PYGB: variants seen among roughly 807,000 people sequenced by gnomAD.
PYGB encodes the protein glycogen phosphorylase, brain form.
In PYGB, 82 loss-of-function variants were observed where a neutral mutation model predicts 94.3. That is an observed-to-expected ratio of 0.87 (90% CI 0.73 to 1.04). PYGB has a LOEUF of 1.04. PYGB is among the 50% of genes least tolerant of loss of function. The pLI is 0.00. For missense variants in PYGB, 1,132 were observed against 1,158.2 expected (o/e 0.98, Z 0.33); for synonymous variants, 488 against 479.1 (o/e 1.02, Z -0.24).
intron 12 of PYGB, among the ~76,000 whole-genome samples, chr20:25,282,689 G>T (rs537719258): frequency 1.3e-5 from 2 of 152,204 alleles, no homozygotes; most frequent in Admixed American, 1.3e-4. Context: ...GCTGGGGGAC[G>T]GGCCCCTGGG....
At chr20:25,254,914 A>G (rs55769917) in intron 1 of PYGB, among the ~76,000 whole-genome samples, 2 of 152,220 alleles carry the variant, frequency 1.3e-5, no homozygotes, top group Non-Finnish European at 2.9e-5. Flanking sequence ...TAAGATCCCC[A>G]TAAGTTCTAA....
intron 1 of PYGB, among the ~76,000 whole-genome samples, chr20:25,254,870 A>G (rs561715904): frequency 1.5e-4 from 23 of 152,312 alleles, no homozygotes; most frequent in Non-Finnish European, 2.5e-4. Flanking sequence ...GGAGTGTAGA[A>G]GGAATTTGTT....
chr20:25,296,155 C>T (rs1037603931), intron 19 of PYGB, among the ~76,000 whole-genome samples: 2 of 152,160 alleles, frequency 1.3e-5, no homozygotes, highest in African/African-American at 4.8e-5. Context: ...ACCTTCTCTC[C>T]AGCTCCTTGC....
At chr20:25,293,820 A>C in intron 17 of PYGB, 1 of 344,260 alleles carries the variant, frequency 2.9e-6, no homozygotes, top group Non-Finnish European at 5.5e-6. Flanking sequence ...AGCTCTGCCC[A>C]GGATTTCACA....
At chr20:25,265,120 C>A (rs1426396480) in intron 2 of PYGB, among the ~76,000 whole-genome samples, 2 of 152,094 alleles carry the variant, frequency 1.3e-5, no homozygotes, top group African/African-American at 4.8e-5. Flanking sequence ...AGAAATAATA[C>A]CACACATCTA....
rs1410884582 is a variant in PYGB, at chr20:25,248,383, A to G, written c.205A>G (p.Ile69Val). ...TVRDHLVGRW[I>V]RTQQHYYERD... ...GCGCGACCACCTCGTGGGCCGCTGG[A>G]TCCGCACGCAGCAGCACTACTACGA... The change falls in exon 1 of 20, where the codon ATC becomes GTC. Residue 69 changes from isoleucine (I) to valine (V), a missense_variant. Transcript: ENST00000216962. 6.9e-6 allele frequency: 11 copies of G among 1,590,852 alleles called. No individual in the cohort carries two copies. Among genetic ancestry groups the G allele is most frequent in the African/African-American group, 1.4e-5 (1 of 73,154 alleles).
intron 1 of PYGB, among the ~76,000 whole-genome samples, chr20:25,253,141 G>A (rs557575142): frequency 2.6e-5 from 4 of 152,336 alleles, no homozygotes; most frequent in East Asian, 3.9e-4. Context: ...CCTCCCATGG[G>A]GGAAGGCCTT....
rs1239165438 is a variant in PYGB, at chr20:25,290,580, G to A, written c.1927G>A (p.Val643Met). 6.2e-7 allele frequency: 1 copy of A among 1,609,640 alleles called. No homozygotes were observed. The highest frequency in any genetic ancestry group is 8.5e-7 in the Non-Finnish European group (1 of 1,176,114). Residue 643 changes from valine (V) to methionine (M), a missense_variant, in exon 16 of 20, where the codon GTG becomes ATG. Val to Met is a conservative substitution (Grantham distance 21). Transcript: ENST00000216962. ...CCCAGTTGTGGGTGACAGGTTGAAA[G>A]TGATCTTCCTGGAGAACTACCGTGT... ...HDPVVGDRLK[V>M]IFLENYRVSL...
At chr20:25,249,713 C>CA (rs768198922) in intron 1 of PYGB, among the ~76,000 whole-genome samples, 1 of 152,160 alleles carries the variant, frequency 6.6e-6, no homozygotes, top group Non-Finnish European at 1.5e-5. Context: ...ATTTGGTATG[C>CA]AAAACATAGA....
In PYGB at chr20:25,278,414, C is replaced by T. The variant is rs147846111; in HGVS notation, c.951C>T (p.Phe317=). The change falls in exon 8 of 20, where the codon TTC becomes TTT. Residue 317 remains phenylalanine (F), a synonymous_variant. Coordinates refer to ENST00000216962, the MANE Select transcript of PYGB (RefSeq NM_002862.4). ...DIIRRFKSSK[F]GCRDPVRTCF... is the part of the protein sequence containing the mutation. ...TCCGCCGCTTCAAGTCGTCCAAGTT[C>T]GGCTGCCGGGACCCTGTGAGAACCT... The T allele has an allele frequency of 5.8e-5, 93 of 1,614,100 alleles. No homozygotes were observed. The highest frequency in any genetic ancestry group is 1.3e-4 in the East Asian group (6 of 44,890).
intron 15 of PYGB, 130 bp downstream of exon 15, chr20:25,288,613 T>A: frequency 1.9e-6 from 2 of 1,071,788 alleles, no homozygotes; most frequent in Middle Eastern, 2.1e-4. Flanking sequence ...CACCGGCCCC[T>A]CTGGTATGCC....
chr20:25,260,470 C>T (rs2092910927), intron 2 of PYGB, among the ~76,000 whole-genome samples: 1 of 152,188 alleles, frequency 6.6e-6, no homozygotes, highest in African/African-American at 2.4e-5. Context: ...TGCGGGCAAG[C>T]ATGTATCCTT....
intron 1 of PYGB, chr20:25,250,987 A>T (rs2092886188): frequency 6.6e-6 from 1 of 152,250 alleles, no homozygotes. Flanking sequence ...TTTAATACAT[A>T]AAATAACATT....
Position 25,283,160 on chromosome 20 carries a change from C to G in PYGB, c.1519-16C>G, listed in dbSNP as rs748768983. On this transcript the variant is annotated splice_polypyrimidine_tract_variant and intron_variant, in intron 12 of 19. Coordinates refer to ENST00000216962, the MANE Select transcript of PYGB (RefSeq NM_002862.4). ...AGGCTGAGGCCCACAGTGAGCGGAA[C>G]CTTTACGTTCTCCAGAAAATTGGGG... 7 of 1,605,748 alleles carry G rather than the reference C, an allele frequency of 4.4e-6. No homozygotes were observed. The highest frequency in any genetic ancestry group is 6.0e-6 in the Non-Finnish European group (7 of 1,172,714).
intron 4 of PYGB, among the ~76,000 whole-genome samples, chr20:25,273,800 C>T (rs2088287089): frequency 6.6e-6 from 1 of 152,200 alleles, no homozygotes; most frequent in Admixed American, 6.5e-5. Flanking sequence ...CAACTTGGCC[C>T]CAGCACTTGC....
At chr20:25,262,843 C>T (rs1291642289) in intron 2 of PYGB, among the ~76,000 whole-genome samples, 1 of 151,976 alleles carries the variant, frequency 6.6e-6, no homozygotes, top group Non-Finnish European at 1.5e-5. Context: ...AGACTTTAAA[C>T]CAACAAAGAT....
At position 25,271,498 on chromosome 20, in the gene PYGB, T is replaced by G. The variant is rs746867850; in HGVS notation, c.528+12T>G. 1.2e-6 allele frequency: 2 copies of G among 1,600,904 alleles called. No individual in the cohort carries two copies. The highest frequency in any genetic ancestry group is 1.7e-6 in the Non-Finnish European group (2 of 1,167,954). The stretch of plus-strand genomic sequence containing the variant: ...TCAATGGCTGGCAGGTGGGTGAGAT[T>G]TCATTTCTTCACTGGTTTCCAGCTC... On this transcript the variant is annotated intron_variant, in intron 4 of 19. Transcript: ENST00000216962.
intron 1 of PYGB, among the ~76,000 whole-genome samples, chr20:25,249,135 C>T (rs1254146081): frequency 6.6e-6 from 1 of 152,188 alleles, no homozygotes; most frequent in Non-Finnish European, 1.5e-5. Flanking sequence ...TGATTGTCCC[C>T]GTTACTCTTA....
At chr20:25,257,656 G>A (rs976325826) in intron 1 of PYGB, among the ~76,000 whole-genome samples, 33 of 152,110 alleles carry the variant, frequency 2.2e-4, no homozygotes, top group African/African-American at 6.8e-4. Flanking sequence ...TAGTGAGACC[G>A]TCATCTCTTA....
Sources: allele counts gnomAD v4.1 joint callset (sites outside exome capture counted in the v4.1 genomes callset), GRCh38; gene constraint gnomAD v4.1.1; transcripts MANE v1.5; gene names NCBI Gene and HGNC (gene_info 2026-07-23, HGNC 2026-07-21).